The following STK32B variants were observed in gnomAD, a reference collection of about 807,000 sequenced individuals.
STK32B encodes serine/threonine-protein kinase 32B.
Under a neutral mutation model 52.6 loss-of-function variants are expected in STK32B, and 43 were observed. The observed-to-expected ratio is 0.82, with a 90% CI of 0.64 to 1.05. The LOEUF is 1.05. Among genes scored for constraint, STK32B ranks in the 50% least tolerant of loss-of-function variants. The probability of loss-of-function intolerance (pLI) is 0.00; values close to 1 mark genes in which losing one functional copy is unlikely to be tolerated. For synonymous variants in STK32B, 238 were observed against 204.3 expected, an observed-to-expected ratio of 1.17 and a Z score of -1.41; for missense variants, 621 against 534.6, an observed-to-expected ratio of 1.16 and a Z score of -1.59.
At chr4:5,095,186 G>A (rs1387928114) in intron 1 of STK32B, among the ~76,000 whole-genome samples, 3 of 152,180 alleles carry the variant, frequency 2.0e-5, no homozygotes, top group Non-Finnish European at 2.9e-5. Context: ...TGGGGTTCAG[G>A]TTCAGGTGGG....
rs149008011 is a variant in STK32B, at chr4:5,097,739, C to G, written c.53-42166C>G. Among the ~76,000 whole-genome samples, 616 of 152,300 alleles carry G rather than the reference C, an allele frequency of 4.0e-3. 10 individuals are homozygous for G. The highest frequency in any genetic ancestry group is 0.014 in the African/African-American group (585 of 41,570). On this transcript the variant is annotated intron_variant, in intron 1 of 11. Coordinates refer to ENST00000282908, the MANE Select transcript of STK32B (RefSeq NM_018401.3). ...CTGATCACTAACTCGTTAATCATGT[C>G]GATATGTGATTCAGATGTTTCTTCA...
the STK32B span, among the ~76,000 whole-genome samples, chr4:5,040,327 A>C: frequency 6.6e-6 from 1 of 151,686 alleles, no homozygotes; most frequent in Non-Finnish European, 1.5e-5. Flanking sequence ...GATGGGGAAA[A>C]TGAGGCCTAT....
intron 1 of STK32B, among the ~76,000 whole-genome samples, chr4:5,054,689 A>G (rs1741930039): frequency 6.6e-6 from 1 of 152,220 alleles, no homozygotes; most frequent in Non-Finnish European, 1.5e-5. Context: ...AGGGAGTGAC[A>G]TGGTCCAGTG....
intron 1 of STK32B, among the ~76,000 whole-genome samples, chr4:5,132,117 T>C (rs1438102186): frequency 6.6e-6 from 1 of 152,238 alleles, no homozygotes; most frequent in East Asian, 1.9e-4. Context: ...CCTCTTTTTA[T>C]GGCTGTGTAG....
At chr4:5,082,757 A>C (rs1712508959) in intron 1 of STK32B, among the ~76,000 whole-genome samples, 1 of 152,082 alleles carries the variant, frequency 6.6e-6, no homozygotes, top group Non-Finnish European at 1.5e-5. Flanking sequence ...GAAAATGTCC[A>C]GAAATCACAA....
chr4:5,461,102 A>T (rs1327946632), intron 9 of STK32B, among the ~76,000 whole-genome samples: 1 of 152,108 alleles, frequency 6.6e-6, no homozygotes, highest in Non-Finnish European at 1.5e-5. Flanking sequence ...AATTGCAGAG[A>T]GCACCTGAGG....
chr4:5,102,426 C>CTCCTTCCTTCCT (rs1398175301), intron 1 of STK32B, among the ~76,000 whole-genome samples: 4 of 144,408 alleles, frequency 2.8e-5, no homozygotes, highest in Admixed American at 6.9e-5. Flanking sequence ...TTTCCTTCTT[C>CTCCTTCCTTCCT]TCCTTCCTTG....
At chr4:5,142,467 T>C (rs899814802) in intron 2 of STK32B, among the ~76,000 whole-genome samples, 9 of 152,238 alleles carry the variant, frequency 5.9e-5, no homozygotes, top group African/African-American at 1.9e-4. Flanking sequence ...TGTAGGCACA[T>C]GGAGGCACCA....
chr4:5,121,451 G>A (rs1490342009), intron 1 of STK32B, among the ~76,000 whole-genome samples: 1 of 152,080 alleles, frequency 6.6e-6, no homozygotes, highest in Non-Finnish European at 1.5e-5. Flanking sequence ...TAAGGATTAG[G>A]GAACAGATCA....
chr4:5,332,843 G>A (rs1388605618), intron 4 of STK32B, among the ~76,000 whole-genome samples: 1 of 152,172 alleles, frequency 6.6e-6, no homozygotes, highest in African/African-American at 2.4e-5. Flanking sequence ...TTTTATGGCT[G>A]CATAGTATTC....
At chr4:5,141,689 G>T (rs1022093680) in intron 2 of STK32B, among the ~76,000 whole-genome samples, 9 of 152,092 alleles carry the variant, frequency 5.9e-5, no homozygotes, top group Non-Finnish European at 1.2e-4. Context: ...GGGGTGGTGA[G>T]AAATAGTCAG....
chr4:5,130,901 G>A (rs537609555), intron 1 of STK32B, among the ~76,000 whole-genome samples: 1 of 152,228 alleles, frequency 6.6e-6, no homozygotes, highest in East Asian at 1.9e-4. Flanking sequence ...CATCCCCTGG[G>A]AAATTTTTGT....
rs1349478445 is a variant in STK32B, at chr4:5,249,479, CT to C, written c.260+81031del. Among the ~76,000 whole-genome samples the C allele has an allele frequency of 8.3e-4, 122 of 146,954 alleles. 1 individual carries two copies. Among genetic ancestry groups the C allele is most frequent in the African/African-American group, 2.6e-3 (100 of 38,818 alleles). Reference sequence around the variant, plus strand: ...CCTTCCTTCCTTCCTTCCTTCCTTCCTTCCTTCCTTCCTTCCTTCCTTCCTC... The same window carrying C: ...CCTTCCTTCCTTCCTTCCTTCCTTCCTCCTTCCTTCCTTCCTTCCTTCCTC... On this transcript the variant is annotated intron_variant, in intron 3 of 11. Transcript: ENST00000282908.
At chr4:5,316,438 T>A (rs1465729032) in intron 3 of STK32B, among the ~76,000 whole-genome samples, 10 of 19,682 alleles carry the variant, frequency 5.1e-4, no homozygotes, top group African/African-American at 2.9e-3. Context: ...TAATATATAA[T>A]ATATATTACA....
chr4:5,325,437 A>G (rs766674854), intron 3 of STK32B, among the ~76,000 whole-genome samples: 16 of 152,238 alleles, frequency 1.1e-4, no homozygotes, highest in Non-Finnish European at 1.8e-4. Flanking sequence ...TCAGGGAAGC[A>G]TACAGGATCT....
intron 8 of STK32B, among the ~76,000 whole-genome samples, chr4:5,458,282 G>A (rs1033025199): frequency 1.3e-5 from 2 of 152,194 alleles, no homozygotes; most frequent in African/African-American, 4.8e-5. Context: ...GCTGAGTCTT[G>A]CATGGAGCTG....
rs80042378 is a variant in STK32B at position 5,193,047 on chromosome 4, C to T, written c.260+24597C>T. 7.9e-5 allele frequency among the ~76,000 whole-genome samples: 12 copies of T among 152,294 alleles called. No individual in the cohort carries two copies. In the East Asian group the frequency reaches 2.1e-3, roughly 27 times the overall value. ...CTCCCAGTGCCTTCCCTCCCTGTGG[C>T]CCATGAAGAAGAGGAACCCCGGCCA... On this transcript the variant is annotated intron_variant, in intron 3 of 11. Transcript: ENST00000282908.
chr4:5,257,347 G>A (rs1726390690), intron 3 of STK32B, among the ~76,000 whole-genome samples: 1 of 152,130 alleles, frequency 6.6e-6, no homozygotes, highest in South Asian at 2.1e-4. Flanking sequence ...GAGCAAGTAA[G>A]TGGGTGAGTG....
intron 1 of STK32B, among the ~76,000 whole-genome samples, chr4:5,117,151 T>C (rs1432067821): frequency 6.6e-6 from 1 of 152,232 alleles, no homozygotes; most frequent in Non-Finnish European, 1.5e-5. Flanking sequence ...GTCTAATTGC[T>C]CCGGCTGGGA....
Sources: allele counts gnomAD v4.1 joint callset (sites outside exome capture counted in the v4.1 genomes callset), GRCh38; gene constraint gnomAD v4.1.1; transcripts MANE v1.5; gene names NCBI Gene and HGNC (gene_info 2026-07-23, HGNC 2026-07-21).